The following ZNF708 variants were observed in gnomAD, a reference collection of about 807,000 sequenced individuals.
ZNF708 encodes ZNF15, ZNF15L1.
In ZNF708, 44 loss-of-function variants were observed where a neutral mutation model predicts 47.0. The observed-to-expected ratio is 0.94, with a 90% CI of 0.74 to 1.20. The LOEUF (loss-of-function observed/expected upper bound fraction) is 1.20, where lower values mean the gene tolerates loss of function less well. Among genes scored for constraint, ZNF708 ranks in the 50% most tolerant of loss-of-function variants. The pLI is 0.00. For missense variants in ZNF708, 557 were observed against 656.0 expected, an observed-to-expected ratio of 0.85 and a Z score of 1.65; for synonymous variants, 184 against 218.5, an observed-to-expected ratio of 0.84 and a Z score of 1.39.
At chr19:21,301,997 G>A (rs1029573117) in intron 3 of ZNF708, among the ~76,000 whole-genome samples, 7 of 152,042 alleles carry the variant, frequency 4.6e-5, no homozygotes, top group East Asian at 1.9e-4. Flanking sequence ...ACTGTGGTTC[G>A]GGCCTATGAA....
At chr19:21,305,453 T>A (rs528046281) in intron 3 of ZNF708, among the ~76,000 whole-genome samples, 12 of 151,592 alleles carry the variant, frequency 7.9e-5, no homozygotes, top group East Asian at 3.9e-4. Flanking sequence ...GTTTATTTTT[T>A]TATTTTTATT....
intron 3 of ZNF708, among the ~76,000 whole-genome samples, chr19:21,299,584 C>T (rs73535998): frequency 0.026 from 4,020 of 151,874 alleles, 167 homozygotes; most frequent in African/African-American, 0.091. Context: ...AACCCCATCT[C>T]TACTAAAACA....
chr19:21,325,649 A>G (rs11878533), intron 1 of ZNF708, among the ~76,000 whole-genome samples: 23,761 of 152,208 alleles, frequency 0.16, 2,171 homozygotes, highest in Non-Finnish European at 0.21. Flanking sequence ...TCTAGACATT[A>G]GATTAGGCAA....
Position 21,293,055 on chromosome 19 carries a change from GT to G in ZNF708, c.*218del. 7 of 569,664 alleles carry G rather than the reference GT, an allele frequency of 1.2e-5. No homozygotes were observed. The highest frequency in any genetic ancestry group is 8.4e-5 in the South Asian group (3 of 35,908). 35.3% of individuals were successfully genotyped at this position (569,664 alleles called of 1,614,324 possible). A position where few individuals can be genotyped will look rare whatever the true frequency, so the allele number is the denominator to read the frequency against. On this transcript the variant is annotated 3_prime_UTR_variant, in exon 4 of 4. Transcript: ENST00000356929. Reference sequence around the variant, plus strand: ...GCTTTGTAGTTTCTCTCCAGTTTAAGTTTTTTTATGTTTAGTAAGATTTAGG... The same window carrying G: ...GCTTTGTAGTTTCTCTCCAGTTTAAGTTTTTTATGTTTAGTAAGATTTAGG...
intron 3 of ZNF708, among the ~76,000 whole-genome samples, chr19:21,306,029 A>G (rs1972757783): frequency 6.6e-6 from 1 of 152,240 alleles, no homozygotes; most frequent in Admixed American, 6.5e-5. Flanking sequence ...GGAAAGCGAC[A>G]CTGATGAAAT....
intron 1 of ZNF708, among the ~76,000 whole-genome samples, chr19:21,321,327 G>A (rs556712682): frequency 3.3e-5 from 5 of 152,178 alleles, no homozygotes; most frequent in East Asian, 1.9e-4. Context: ...TGTGGCTCAC[G>A]CCTGTATGCC....
chr19:21,297,272 T>TATATATATA (rs1568345582), intron 3 of ZNF708, among the ~76,000 whole-genome samples: 36 of 32,554 alleles, frequency 1.1e-3, no homozygotes, highest in East Asian at 3.4e-3. Flanking sequence ...ATATATATAT[T>TATATATATA]TTTTTTTTTT....
intron 3 of ZNF708, among the ~76,000 whole-genome samples, chr19:21,308,850 C>A (rs1445972698): frequency 6.6e-6 from 1 of 151,868 alleles, no homozygotes; most frequent in African/African-American, 2.4e-5. Flanking sequence ...ATAAAAAAAA[C>A]AATGGAACAG....
In ZNF708 at chr19:21,294,091, G is replaced by A. The variant is rs760398411; in HGVS notation, c.875C>T (p.Ser292Phe). 2 of 1,612,616 alleles carry A rather than the reference G, an allele frequency of 1.2e-6. No homozygotes were observed. Among genetic ancestry groups the A allele is most frequent in the Admixed American group, 1.7e-5 (1 of 59,936 alleles). ...TTTCTTGTGATTAGTAAGGTTTGAG[G>A]ACTGTTTAAAAGCTTTGCCACATTC... Reference protein sequence around the residue: ...CEECGKAFKQSSNLTNHKKIH... With the variant: ...CEECGKAFKQFSNLTNHKKIH... Residue 292 changes from serine (S) to phenylalanine (F), a missense_variant, in exon 4 of 4, where the codon TCC (serine) becomes TTC (phenylalanine). By Grantham distance (155) the Ser-to-Phe change is radical (BLOSUM62 -2). Transcript: ENST00000356929.
At chr19:21,319,017 T>C (rs958508150) in intron 1 of ZNF708, among the ~76,000 whole-genome samples, 1 of 152,186 alleles carries the variant, frequency 6.6e-6, no homozygotes, top group African/African-American at 2.4e-5. Context: ...AGTCATAATG[T>C]ATGTAGGATT....
intron 1 of ZNF708, chr19:21,318,406 A>T (rs2968055): frequency 7.9e-5 from 12 of 152,346 alleles, no homozygotes; most frequent in African/African-American, 2.6e-4. Flanking sequence ...AGAGAAAAAC[A>T]GCTCTTGGTC....
chr19:21,301,001 A>T (rs1972649167), intron 3 of ZNF708, among the ~76,000 whole-genome samples: 1 of 152,078 alleles, frequency 6.6e-6, no homozygotes, highest in South Asian at 2.1e-4. Context: ...ATCAAAACAC[A>T]ATTTATTGGT....
chr19:21,297,256 ATATATATATATATATTTTT>A (rs1972546359), intron 3 of ZNF708, among the ~76,000 whole-genome samples: 1 of 14,136 alleles, frequency 7.1e-5, no homozygotes. Flanking sequence ...ATATATATAT[ATATATATATATATATTTTT>A]TTTTTTTTTT....
intron 3 of ZNF708, among the ~76,000 whole-genome samples, chr19:21,305,801 C>T (rs995948069): frequency 4.6e-5 from 7 of 151,994 alleles, no homozygotes; most frequent in African/African-American, 1.7e-4. Flanking sequence ...GATAAACACC[C>T]TTGAAAAAGA....
In ZNF708 at chr19:21,293,636, C is replaced by T. The variant is rs1164714958; in HGVS notation, c.1330G>A (p.Glu444Lys). 1 of 1,612,120 alleles carries T rather than the reference C, an allele frequency of 6.2e-7. No individual in the cohort carries two copies. Among genetic ancestry groups the T allele is most frequent in the Admixed American group, 1.7e-5 (1 of 59,872 alleles). Residue 444 changes from glutamate (E) to lysine (K), a missense_variant, in exon 4 of 4, where the codon GAA (glutamate) becomes AAA (lysine). Coordinates refer to ENST00000356929, the MANE Select transcript of ZNF708 (RefSeq NM_021269.3). The part of the protein sequence containing the change: ...ILTKHKVIHT[E>K]DKPYKCEECG... The stretch of plus-strand genomic sequence containing the variant: ...TCTTCACATTTGTAGGGTTTGTCTT[C>T]AGTATGAATTACTTTATGTTTAGTA...
At chr19:21,329,186 C>T in intron 1 of ZNF708, 24 bp downstream of exon 1, 1 of 1,611,906 alleles carries the variant, frequency 6.2e-7, no homozygotes, top group Non-Finnish European at 8.5e-7. Flanking sequence ...TCCCCTCTCT[C>T]GGGATGTCGG....
chr19:21,296,010 A>G (rs909673393), intron 3 of ZNF708, among the ~76,000 whole-genome samples: 1 of 152,152 alleles, frequency 6.6e-6, no homozygotes, highest in African/African-American at 2.4e-5. Flanking sequence ...CTCAAAAAAC[A>G]TAAATTAGGA....
At chr19:21,307,056 T>TAAAATATAAA (rs1568349225) in intron 3 of ZNF708, 5 of 89,818 alleles carry the variant, frequency 5.6e-5, no homozygotes, top group African/African-American at 2.4e-4. Flanking sequence ...TAAAATAAAA[T>TAAAATATAAA]ATAAAATAAA....
chr19:21,328,315 A>C (rs1369716724), intron 1 of ZNF708, among the ~76,000 whole-genome samples: 1 of 152,228 alleles, frequency 6.6e-6, no homozygotes. Context: ...TCAAAAAATG[A>C]TTAACTAAAA....
Sources: gnomAD v4.1 joint callset for allele counts (sites outside exome capture counted in the v4.1 genomes callset) on GRCh38, gnomAD v4.1.1 for gene constraint, MANE v1.5 for transcripts, NCBI Gene and HGNC (gene_info 2026-07-23, HGNC 2026-07-21) for gene names.